The following PRLR variants were observed in gnomAD, a reference collection of about 807,000 sequenced individuals.
The protein encoded by PRLR is prolactin receptor.
Under a neutral mutation model 40.2 loss-of-function variants are expected in PRLR, and 13 were observed. The ratio of observed to expected loss-of-function variants is 0.32; its 90% CI spans 0.21 to 0.51. The LOEUF (loss-of-function observed/expected upper bound fraction) is 0.51. PRLR is among the 20% of genes least tolerant of loss of function. The probability of loss-of-function intolerance (pLI) is 0.97; values close to 1 mark genes in which losing one functional copy is unlikely to be tolerated. For synonymous variants in PRLR, 269 were observed against 278.7 expected (o/e 0.97, Z 0.35); for missense variants, 656 against 747.3 (o/e 0.88, Z 1.42).
intron 1 of PRLR, among the ~76,000 whole-genome samples, chr5:35,133,554 T>C (rs560385838): frequency 6.6e-6 from 1 of 152,326 alleles, no homozygotes; most frequent in East Asian, 1.9e-4. Flanking sequence ...CTCACTATAC[T>C]CCCAATTAAC....
At chr5:35,073,552 A>C (rs966559537) in intron 5 of PRLR, among the ~76,000 whole-genome samples, 2 of 152,210 alleles carry the variant, frequency 1.3e-5, no homozygotes, top group African/African-American at 2.4e-5. Context: ...AGAGGAGGAA[A>C]CAGGCTTAGA....
At chr5:35,172,507 T>A (rs1775030433) in intron 1 of PRLR, among the ~76,000 whole-genome samples, 1 of 152,152 alleles carries the variant, frequency 6.6e-6, no homozygotes, top group African/African-American at 2.4e-5. Flanking sequence ...GGGGTTGTGG[T>A]GACTGTCCCA....
At chr5:35,107,440 T>C (rs931946531) in intron 2 of PRLR, among the ~76,000 whole-genome samples, 1 of 152,042 alleles carries the variant, frequency 6.6e-6, no homozygotes, top group Non-Finnish European at 1.5e-5. Flanking sequence ...ATCTAGGAGC[T>C]GGTTTTCTGA....
downstream of PRLR, among the ~76,000 whole-genome samples, chr5:35,051,070 C>T (rs73091114): frequency 1.5e-3 from 233 of 152,260 alleles, no homozygotes; most frequent in African/African-American, 5.4e-3. Context: ...GGTCAAAGTC[C>T]TTTTGTTTAT....
intron 1 of PRLR, among the ~76,000 whole-genome samples, chr5:35,158,697 G>A (rs942028236): frequency 1.3e-5 from 2 of 152,044 alleles, no homozygotes; most frequent in Admixed American, 6.6e-5. Flanking sequence ...CTCAAGCAAG[G>A]ACGGTGGCTT....
intron 5 of PRLR, chr5:35,081,141 G>T (rs941539161): frequency 9.8e-5 from 15 of 152,628 alleles, no homozygotes; most frequent in African/African-American, 3.6e-4. Context: ...GTATACATAT[G>T]TAACAAACCT....
At chr5:35,182,168 T>C (rs75818002) in intron 1 of PRLR, among the ~76,000 whole-genome samples, 35 of 152,234 alleles carry the variant, frequency 2.3e-4, no homozygotes, top group African/African-American at 8.4e-4. Context: ...CCACCATCTA[T>C]ATATGTGCTA....
intron 2 of PRLR, among the ~76,000 whole-genome samples, chr5:35,105,100 G>T (rs1230611477): frequency 6.6e-6 from 1 of 152,208 alleles, no homozygotes; most frequent in Non-Finnish European, 1.5e-5. Context: ...GTGATACTCA[G>T]GCAAACAGGT....
intron 1 of PRLR, among the ~76,000 whole-genome samples, chr5:35,205,398 A>G (rs548424763): frequency 2.6e-5 from 4 of 152,300 alleles, no homozygotes; most frequent in African/African-American, 9.6e-5. Context: ...TAGCCAATAT[A>G]TTATTTGCTG....
intron 2 of PRLR, among the ~76,000 whole-genome samples, chr5:35,104,733 T>A (rs1358522658): frequency 1.3e-5 from 2 of 152,150 alleles, no homozygotes; most frequent in Non-Finnish European, 2.9e-5. Flanking sequence ...AAGCTCGAAC[T>A]GGGTGGAGCC....
chr5:35,086,316 T>C lies in PRLR; in HGVS notation c.95A>G (p.Glu32Gly). 1 of 1,613,876 alleles carries C rather than the reference T, an allele frequency of 6.2e-7. No homozygotes were observed. The highest frequency in any genetic ancestry group is 8.5e-7 in the Non-Finnish European group (1 of 1,179,912). ...LNGQLPPGKP[E>G]IFKCRSPNKE... is the part of the protein sequence containing the mutation. ...ATTGGGAGAACGACATTTAAAGATC[T>C]CAGGTTTTCCAGGAGGTAACTGTCC... Residue 32 changes from glutamate (E) to glycine (G), a missense_variant, in exon 4 of 10, where the codon GAG becomes GGG. Transcript: ENST00000618457.
chr5:35,100,097 G>A (rs907274749), intron 2 of PRLR, among the ~76,000 whole-genome samples: 11 of 150,324 alleles, frequency 7.3e-5, no homozygotes, highest in African/African-American at 2.7e-4. Flanking sequence ...AGAATCATTT[G>A]AACCTGGGAG....
intron 1 of PRLR, among the ~76,000 whole-genome samples, chr5:35,189,736 G>A (rs1468112827): frequency 6.6e-6 from 1 of 152,076 alleles, no homozygotes; most frequent in Non-Finnish European, 1.5e-5. Context: ...TCTATGACTG[G>A]GTGCAAGCCC....
At chr5:35,182,601 G>C (rs1296637662) in intron 1 of PRLR, among the ~76,000 whole-genome samples, 1 of 152,126 alleles carries the variant, frequency 6.6e-6, no homozygotes, top group Non-Finnish European at 1.5e-5. Context: ...CAAAGGACTG[G>C]AAAACATTTT....
chr5:35,191,042 T>TCCA, intron 1 of PRLR, among the ~76,000 whole-genome samples: 1 of 121,506 alleles, frequency 8.2e-6, no homozygotes, highest in Middle Eastern at 4.4e-3. Context: ...ACAGATGTGT[T>TCCA]ATTTTCTTTT....
intron 2 of PRLR, among the ~76,000 whole-genome samples, chr5:35,106,326 C>T (rs1289173101): frequency 3.9e-5 from 6 of 152,154 alleles, no homozygotes. Context: ...AACTAATAAG[C>T]AAAATAACCA....
At chr5:35,228,967 T>C (rs1348320288) in intron 1 of PRLR, among the ~76,000 whole-genome samples, 1 of 152,064 alleles carries the variant, frequency 6.6e-6, no homozygotes, top group Non-Finnish European at 1.5e-5. Context: ...ACATGCCATA[T>C]GCATTTTGCC....
chr5:35,212,406 T>C (rs1776192551), intron 1 of PRLR, among the ~76,000 whole-genome samples: 1 of 152,244 alleles, frequency 6.6e-6, no homozygotes, highest in Admixed American at 6.5e-5. Flanking sequence ...AAACTCTGAG[T>C]ACAAAATGAT....
chr5:35,077,224 T>C (rs1770168258), intron 5 of PRLR, among the ~76,000 whole-genome samples: 1 of 152,188 alleles, frequency 6.6e-6, no homozygotes, highest in Non-Finnish European at 1.5e-5. Flanking sequence ...ATGGGCTAAA[T>C]GCTCCAATTA....
Sources: gnomAD v4.1 joint callset for allele counts (sites outside exome capture counted in the v4.1 genomes callset) on GRCh38, gnomAD v4.1.1 for gene constraint, MANE v1.5 for transcripts, NCBI Gene and HGNC (gene_info 2026-07-23, HGNC 2026-07-21) for gene names.